ENKUR: variants seen among roughly 807,000 people sequenced by gnomAD.
The protein encoded by ENKUR is enkurin.
ENKUR carries 19 observed loss-of-function variants against 27.6 expected under a neutral mutation model. The ratio of observed to expected loss-of-function variants is 0.69; its 90% CI spans 0.48 to 1.01. ENKUR has a LOEUF of 1.01. Ranked by LOEUF, ENKUR falls within the 50% of genes least tolerant of loss-of-function variation. The pLI is 0.00. For missense variants in ENKUR, 312 were observed against 310.5 expected, an observed-to-expected ratio of 1.00 and a Z score of -0.04; for synonymous variants, 117 against 96.9, an observed-to-expected ratio of 1.21 and a Z score of -1.22.
chr10:25,030,253 G>A (rs549448652), intron 2 of ENKUR, among the ~76,000 whole-genome samples: 2 of 152,112 alleles, frequency 1.3e-5, no homozygotes, highest in East Asian at 3.9e-4. Context: ...TCACTCTCCA[G>A]TAGCTTCCTC....
At chr10:25,053,210 A>T (rs1406678059) in intron 2 of ENKUR, among the ~76,000 whole-genome samples, 2 of 152,212 alleles carry the variant, frequency 1.3e-5, no homozygotes, top group African/African-American at 4.8e-5. Flanking sequence ...GCACAAAGTG[A>T]CATTACAATA....
At chr10:25,045,846 T>G (rs181144895) in intron 2 of ENKUR, among the ~76,000 whole-genome samples, 14 of 152,250 alleles carry the variant, frequency 9.2e-5, no homozygotes, top group Admixed American at 7.2e-4. Flanking sequence ...AGTTGTCCTA[T>G]CAAGTTGAAG....
At chr10:25,033,293 A>G (rs762385769) in intron 2 of ENKUR, among the ~76,000 whole-genome samples, 6 of 149,566 alleles carry the variant, frequency 4.0e-5, no homozygotes, top group African/African-American at 1.2e-4. Context: ...AGTCCCAGCT[A>G]TTTGTGAGGC....
In ENKUR at chr10:25,021,978, A is replaced by T. The variant is rs1418308507; in HGVS notation, c.38-26109T>A. ...TTACAGAACAGAGTTTAAGTAGCATAGAAAGTCAGTATTACATGATTAAAA... is the reference window on the plus strand; with the variant it reads ...TTACAGAACAGAGTTTAAGTAGCATTGAAAGTCAGTATTACATGATTAAAA... On this transcript the variant is annotated intron_variant, in intron 2 of 5. Coordinates refer to the ENKUR transcript ENST00000615958. The T allele has an allele frequency of 2.0e-5, 3 of 152,236 alleles. No homozygotes were observed. The East Asian group carries it at 5.8e-4, about 29-fold the overall frequency. 9.4% of individuals were successfully genotyped at this position (152,236 alleles called of 1,614,324 possible).
rs754392007 is a variant in ENKUR, at chr10:25,023,587, T to A, written c.38-27718A>T. The A allele has an allele frequency of 1.9e-6, 3 of 1,614,156 alleles. No individual in the cohort carries two copies. In the Admixed American group the frequency reaches 5.0e-5, roughly 27 times the overall value. Reference sequence around the variant, plus strand: ...AGAGGAAGGAAAAGCTGTGTTAAACTTCTCTGCATCTGGAAGTGTGATTTC... The same window carrying A: ...AGAGGAAGGAAAAGCTGTGTTAAACATCTCTGCATCTGGAAGTGTGATTTC... On this transcript the variant is annotated intron_variant, in intron 2 of 5. Transcript: ENST00000615958.
upstream of ENKUR, among the ~76,000 whole-genome samples, chr10:25,018,808 A>ATT (rs1180412639): frequency 1.1e-4 from 17 of 152,176 alleles, no homozygotes; most frequent in Non-Finnish European, 2.2e-4. Flanking sequence ...AGAATTGTGG[A>ATT]TACTAAAGTT....
chr10:25,044,039 A>AAT (rs34994140), intron 2 of ENKUR, among the ~76,000 whole-genome samples: 70,269 of 151,652 alleles, frequency 0.46, 17,447 homozygotes, highest in African/African-American at 0.66. Context: ...TTGGTCTACT[A>AAT]TTCAATGTCT....
At chr10:25,000,672 T>G (rs1850169203) in intron 1 of ENKUR, among the ~76,000 whole-genome samples, 1 of 152,254 alleles carries the variant, frequency 6.6e-6, no homozygotes, top group South Asian at 2.1e-4. Context: ...TTTTCCATTC[T>G]TGGACTTTCT....
intron 2 of ENKUR, among the ~76,000 whole-genome samples, chr10:25,022,330 G>A (rs1850738010): frequency 6.6e-6 from 1 of 152,116 alleles, no homozygotes; most frequent in African/African-American, 2.4e-5. Context: ...TGTGGCCCTG[G>A]GGTCTGGAAA....
At chr10:25,042,470 T>G (rs978576591) in intron 2 of ENKUR, among the ~76,000 whole-genome samples, 1 of 152,004 alleles carries the variant, frequency 6.6e-6, no homozygotes, top group Non-Finnish European at 1.5e-5. Context: ...AAATTTTGTA[T>G]TTTTAGGAGA....
At chr10:25,023,750 A>C in intron 2 of ENKUR, 1 of 1,614,024 alleles carries the variant, frequency 6.2e-7, no homozygotes, top group Non-Finnish European at 8.5e-7. Context: ...ATTGTAGGTC[A>C]GAATTCTGGA....
intron 4 of ENKUR, among the ~76,000 whole-genome samples, chr10:24,987,482 A>C (rs1196032653): frequency 6.6e-6 from 1 of 152,074 alleles, no homozygotes; most frequent in East Asian, 1.9e-4. Context: ...AAAAATAAAA[A>C]AATGAAATAA....
intron 1 of ENKUR, among the ~76,000 whole-genome samples, chr10:25,007,598 G>C (rs1453529301): frequency 4.6e-5 from 7 of 151,910 alleles, no homozygotes; most frequent in African/African-American, 1.7e-4. Flanking sequence ...CCACACCCGG[G>C]TAATTTTTTG....
At chr10:25,030,740 T>A (rs1235883662) in intron 2 of ENKUR, among the ~76,000 whole-genome samples, 2 of 152,194 alleles carry the variant, frequency 1.3e-5, no homozygotes, top group South Asian at 4.1e-4. Context: ...TATCTTATAT[T>A]GTCTGTTCTT....
chr10:25,025,374 G>A, intron 2 of ENKUR: 1 of 1,614,234 alleles, frequency 6.2e-7, no homozygotes, highest in Non-Finnish European at 8.5e-7. Context: ...AGCAAGAGAA[G>A]ATGGAGTACC....
intron 2 of ENKUR, among the ~76,000 whole-genome samples, chr10:25,042,958 A>G (rs1851082242): frequency 6.6e-6 from 1 of 152,230 alleles, no homozygotes. Context: ...GCAAAATTTG[A>G]GAGAAATATT....
At chr10:24,987,455 A>G (rs1446589214) in intron 4 of ENKUR, among the ~76,000 whole-genome samples, 2 of 152,030 alleles carry the variant, frequency 1.3e-5, no homozygotes, top group Non-Finnish European at 2.9e-5. Context: ...TGGGCAACAT[A>G]GTCAGACTCC....
intron 2 of ENKUR, among the ~76,000 whole-genome samples, chr10:25,028,306 CA>C: frequency 6.6e-6 from 1 of 152,208 alleles, no homozygotes; most frequent in Non-Finnish European, 1.5e-5. Context: ...TCTAGAGGAA[CA>C]AGTGACCATA....
chr10:25,043,383 ATAAT>A (rs1275512977), intron 2 of ENKUR, among the ~76,000 whole-genome samples: 2 of 152,178 alleles, frequency 1.3e-5, no homozygotes, highest in African/African-American at 4.8e-5. Context: ...TGTTCTAATT[ATAAT>A]TAATTTTTAA....
Sources: allele counts gnomAD v4.1 joint callset (sites outside exome capture counted in the v4.1 genomes callset), GRCh38; gene constraint gnomAD v4.1.1; transcripts MANE v1.5; gene names NCBI Gene and HGNC (gene_info 2026-07-23, HGNC 2026-07-21).